Variants in INSR observed in about 807,000 individuals in gnomAD.
INSR encodes IR.
Under a neutral mutation model 142.6 loss-of-function variants are expected in INSR, and 67 were observed. The observed-to-expected ratio is 0.47, with a 90% confidence interval of 0.39 to 0.58. The LOEUF (loss-of-function observed/expected upper bound fraction) is 0.58, where lower values mean the gene tolerates loss of function less well. INSR is among the 20% of genes least tolerant of loss of function. The probability of loss-of-function intolerance (pLI) is 0.00; values close to 1 mark genes in which losing one functional copy is unlikely to be tolerated. For missense variants in INSR, 1,248 were observed against 1,833.2 expected (o/e 0.68, Z 5.83); for synonymous variants, 756 against 743.1 (o/e 1.02, Z -0.28).
At chr19:7,259,354 G>A (rs916685020) in intron 2 of INSR, among the ~76,000 whole-genome samples, 6 of 152,042 alleles carry the variant, frequency 3.9e-5, no homozygotes, top group Admixed American at 3.9e-4. Flanking sequence ...CGGCGGAAGG[G>A]GTGGGCGGGG....
chr19:7,209,834 C>T (rs1019298124), intron 2 of INSR, among the ~76,000 whole-genome samples: 1 of 152,138 alleles, frequency 6.6e-6, no homozygotes, highest in African/African-American at 2.4e-5. Flanking sequence ...ATTTCATCCA[C>T]CCTACTCCAA....
At chr19:7,153,370 C>A (rs145292712) in intron 9 of INSR, among the ~76,000 whole-genome samples, 1 of 69,494 alleles carries the variant, frequency 1.4e-5, no homozygotes, top group African/African-American at 4.3e-5. Flanking sequence ...ACACACCCCA[C>A]ACACACCATA....
intron 12 of INSR, among the ~76,000 whole-genome samples, chr19:7,142,234 C>T (rs1369617898): frequency 6.6e-6 from 1 of 151,408 alleles, no homozygotes; most frequent in Non-Finnish European, 1.5e-5. Flanking sequence ...GGAACCATCT[C>T]TACTGAAAAT....
rs926858314 is a variant in INSR at position 7,216,390 on chromosome 19, G to A, written c.653-31753C>T. On this transcript the variant is annotated intron_variant, in intron 2 of 21. Transcript: ENST00000302850. The surrounding 1 kb of genome is among the most constrained non-coding windows in gnomAD (Gnocchi z 4.2). ...AATCCTAAACAGAATATTACATGGC[G>A]TCTTGGACCTCCGTGATGTTATGCG... is the stretch of plus-strand genomic sequence containing the variant. Among the ~76,000 whole-genome samples, 6 of 152,172 alleles carry A rather than the reference G, an allele frequency of 3.9e-5. No homozygotes were observed. The highest frequency in any genetic ancestry group is 7.4e-5 in the Non-Finnish European group (5 of 68,026).
intron 8 of INSR, among the ~76,000 whole-genome samples, chr19:7,164,599 C>A (rs866143756): frequency 1.3e-5 from 2 of 148,378 alleles, no homozygotes; most frequent in Non-Finnish European, 3.0e-5. Context: ...AGGCGGATCA[C>A]CTGAGGCTCG....
intron 9 of INSR, among the ~76,000 whole-genome samples, chr19:7,153,246 C>A: frequency 7.3e-6 from 1 of 136,096 alleles, no homozygotes. Context: ...ACCATACACG[C>A]ACCACACACA....
chr19:7,266,198 C>T (rs994807755), intron 2 of INSR, among the ~76,000 whole-genome samples: 1 of 152,150 alleles, frequency 6.6e-6, no homozygotes, highest in African/African-American at 2.4e-5. Flanking sequence ...AAGGTGTTCC[C>T]TCTCCTCCAA....
At chr19:7,133,377 C>T (rs76351708) in intron 13 of INSR, among the ~76,000 whole-genome samples, 1 of 152,168 alleles carries the variant, frequency 6.6e-6, no homozygotes, top group Non-Finnish European at 1.5e-5. Context: ...AAATCCTCAT[C>T]ACTTCATGTA....
At chr19:7,184,978 A>G (rs963957018) in intron 2 of INSR, among the ~76,000 whole-genome samples, 23 of 152,220 alleles carry the variant, frequency 1.5e-4, no homozygotes, top group African/African-American at 5.5e-4. Context: ...GGCCACCAAC[A>G]TGAAGTTACT....
Position 7,119,839 on chromosome 19 carries a change from CCCAA to C in INSR, c.3660-260_3660-257del, listed in dbSNP as rs2144797761. On this transcript the variant is annotated intron_variant, in intron 20 of 21. Transcript: ENST00000302850. This position sits in a 1 kb window ranked among gnomAD's most constrained non-coding sequence, Gnocchi z 5.2. ...ACATATACACACACAAACACACACACCCAAACACACACACGCACACACATGCAAA... is the reference window on the plus strand; with the variant it reads ...ACATATACACACACAAACACACACACACACACACACGCACACACATGCAAA... 1.0e-5 allele frequency among the ~76,000 whole-genome samples: 1 copy of C among 97,488 alleles called. No individual in the cohort carries two copies. Among genetic ancestry groups the C allele is most frequent in the South Asian group, 3.1e-4 (1 of 3,266 alleles). The allele number at this position is 97,488 out of a possible 152,430, so 64.0% of individuals were successfully genotyped here.
At chr19:7,163,345 G>C (rs1344984191) in intron 8 of INSR, 146 bp from the exon 9 acceptor site, 1 of 768,190 alleles carries the variant, frequency 1.3e-6, no homozygotes, top group African/African-American at 1.7e-5. Context: ...CGGATCACGA[G>C]GTCAGGAGAT....
At chr19:7,174,555 C>A (rs772497609) in intron 4 of INSR, 28 bp downstream of exon 4, 2 of 1,612,926 alleles carry the variant, frequency 1.2e-6, no homozygotes, top group Admixed American at 1.7e-5. Context: ...CCAACAGGCA[C>A]CCCCGACGCC....
In INSR at chr19:7,112,347, G is replaced by A. The variant is rs1249771929; in HGVS notation, c.*4709C>T. 1 of 152,102 alleles carries A rather than the reference G, an allele frequency of 6.6e-6. No homozygotes were observed. Among genetic ancestry groups the A allele is most frequent in the Non-Finnish European group, 1.5e-5 (1 of 68,010 alleles). The allele number at this position is 152,102 out of a possible 1,614,324, so 9.4% of individuals were successfully genotyped here. A position where few individuals can be genotyped will look rare whatever the true frequency, so the allele number is the denominator to read the frequency against. On this transcript the variant is annotated 3_prime_UTR_variant, in exon 22 of 22. Transcript: ENST00000302850. ...CGATTTCAATATTCCAAAAAAAAAG[G>A]CGTCTTCTGTACATGGTGCTACTTG...
At chr19:7,149,913 G>A (rs1485308375) in intron 11 of INSR, among the ~76,000 whole-genome samples, 7 of 10,090 alleles carry the variant, frequency 6.9e-4, no homozygotes, top group South Asian at 6.6e-3. Flanking sequence ...AAGAAGGAAA[G>A]AAAGAAAGAA....
At chr19:7,266,829 T>G (rs1967746666) in intron 2 of INSR, among the ~76,000 whole-genome samples, 1 of 152,024 alleles carries the variant, frequency 6.6e-6, no homozygotes, top group Admixed American at 6.6e-5. Flanking sequence ...AATGTTTTGC[T>G]TTTTTTTCGT....
intron 2 of INSR, among the ~76,000 whole-genome samples, chr19:7,207,182 G>C (rs542978191): frequency 2.0e-5 from 3 of 152,216 alleles, no homozygotes; most frequent in East Asian, 1.9e-4. Context: ...TTGGGAGGCT[G>C]AGGCAAGCAG....
At chr19:7,248,989 C>A (rs925632314) in intron 2 of INSR, among the ~76,000 whole-genome samples, 4 of 152,052 alleles carry the variant, frequency 2.6e-5, no homozygotes, top group African/African-American at 7.2e-5. Context: ...GAACTCCCCA[C>A]CTCAGATGAT....
intron 13 of INSR, among the ~76,000 whole-genome samples, chr19:7,135,229 G>A (rs1329861699): frequency 6.7e-6 from 1 of 149,892 alleles, no homozygotes; most frequent in Non-Finnish European, 1.5e-5. Flanking sequence ...ATGAGTCACC[G>A]AGTAGAGAGG....
chr19:7,269,038 C>CCACACACACCCACACACA (rs1555690133), intron 1 of INSR, among the ~76,000 whole-genome samples: 1 of 146,852 alleles, frequency 6.8e-6, no homozygotes, highest in Non-Finnish European at 1.5e-5. Context: ...ACCCACACAC[C>CCACACACACCCACACACA]CACACACACA....
Sources: allele counts gnomAD v4.1 joint callset (sites outside exome capture counted in the v4.1 genomes callset), GRCh38; gene constraint gnomAD v4.1.1; non-coding constraint Gnocchi (gnomAD v3.1); transcripts MANE v1.5; gene names NCBI Gene and HGNC (gene_info 2026-07-23, HGNC 2026-07-21).